ATP1A1: variants seen among roughly 807,000 people sequenced by gnomAD.
The protein encoded by ATP1A1 is sodium/potassium-transporting ATPase subunit alpha-1.
In ATP1A1, 14 loss-of-function variants were observed where a neutral mutation model predicts 114.8. The observed-to-expected ratio is 0.12, with a 90% CI of 0.08 to 0.19. The LOEUF is 0.19. Among genes scored for constraint, ATP1A1 ranks in the 10% least tolerant of loss-of-function variants. The pLI is 1.00. For missense variants in ATP1A1, 524 were observed against 1,290.7 expected, an observed-to-expected ratio of 0.41 and a Z score of 9.10; for synonymous variants, 471 against 466.3, an observed-to-expected ratio of 1.01 and a Z score of -0.13.
rs1570951613 is a variant in ATP1A1 at position 116,385,970 on chromosome 1, T to C, written c.183+1128T>C. ...GGAGAAACCCCGTCTCTACTAAAAA[T>C]ACAAAATTAGCCTGGCATGGTGGTG... On this transcript the variant is annotated intron_variant, in intron 3 of 22. Coordinates refer to ENST00000295598, the MANE Select transcript of ATP1A1 (RefSeq NM_000701.8). The surrounding 1 kb of genome is among the most constrained non-coding windows in gnomAD (Gnocchi z 4.3). The C allele has an allele frequency of 6.6e-6, 1 of 151,398 alleles. No homozygotes were observed. Among genetic ancestry groups the C allele is most frequent in the African/African-American group, 2.4e-5 (1 of 41,158 alleles). 9.4% of individuals were successfully genotyped at this position (151,398 alleles called of 1,614,324 possible).
rs1238716616 is a variant in ATP1A1, at chr1:116,395,620, T to C, written c.1836+335T>C. Among the ~76,000 whole-genome samples, 2 of 152,238 alleles carry C rather than the reference T, an allele frequency of 1.3e-5. No individual in the cohort carries two copies. The highest frequency in any genetic ancestry group is 2.9e-5 in the Non-Finnish European group (2 of 68,040). Reference sequence around the variant, plus strand: ...AATGAATGGCATATCTTCTGTGTTTTCAGTTAACTGTTTGTTAATGAGTGT... The same window carrying C: ...AATGAATGGCATATCTTCTGTGTTTCCAGTTAACTGTTTGTTAATGAGTGT... On this transcript the variant is annotated intron_variant, in intron 13 of 22. Coordinates refer to ENST00000295598, the MANE Select transcript of ATP1A1 (RefSeq NM_000701.8). The surrounding 1 kb of genome is among the most constrained non-coding windows in gnomAD (Gnocchi z 6.4).
chr1:116,389,943 A>C lies in ATP1A1; in HGVS notation c.1023+236A>C. On this transcript the variant is annotated intron_variant, in intron 8 of 22. Coordinates refer to ENST00000295598, the MANE Select transcript of ATP1A1 (RefSeq NM_000701.8). The surrounding 1 kb of genome is among the most constrained non-coding windows in gnomAD (Gnocchi z 6.9). ...GCTTTTAAATTATCACGTGGTCCTG[A>C]ACAGTGCAGTGGAGAAAGGAGAAGA... 1 of 690,306 alleles carries C rather than the reference A, an allele frequency of 1.4e-6. No homozygotes were observed. The highest frequency in any genetic ancestry group is 1.8e-5 in the African/African-American group (1 of 55,548). The allele number at this position is 690,306 out of a possible 1,614,324, so 42.8% of individuals were successfully genotyped here. A position where few individuals can be genotyped will look rare whatever the true frequency, so the allele number is the denominator to read the frequency against.
intron 21 of ATP1A1, among the ~76,000 whole-genome samples, chr1:116,403,560 T>G (rs569286175): frequency 2.6e-5 from 4 of 152,330 alleles, no homozygotes; most frequent in Admixed American, 1.3e-4. Flanking sequence ...AAATGTTCAG[T>G]TGCTCTGGGA....
chr1:116,390,000 T>C lies in ATP1A1; in HGVS notation c.1024-213T>C. ...GATCAAGTAGGGGGATAGAATATGGTAGAATCCTGTTATTATTTTTCTTAA... is the reference window on the plus strand; with the variant it reads ...GATCAAGTAGGGGGATAGAATATGGCAGAATCCTGTTATTATTTTTCTTAA... On this transcript the variant is annotated intron_variant, in intron 8 of 22. Coordinates refer to ENST00000295598, the MANE Select transcript of ATP1A1 (RefSeq NM_000701.8). The surrounding 1 kb of genome is among the most constrained non-coding windows in gnomAD (Gnocchi z 6.9). The C allele has an allele frequency of 3.0e-6, 2 of 662,020 alleles. No homozygotes were observed. The highest frequency in any genetic ancestry group is 2.5e-6 in the Non-Finnish European group (1 of 394,878). 41.0% of individuals were successfully genotyped at this position (662,020 alleles called of 1,614,324 possible).
Position 116,401,772 on chromosome 1 carries a change from C to T in ATP1A1, c.2951+117C>T. 1 of 1,032,026 alleles carries T rather than the reference C, an allele frequency of 9.7e-7. No individual in the cohort carries two copies. The highest frequency in any genetic ancestry group is 1.5e-5 in the South Asian group (1 of 67,980). The allele number at this position is 1,032,026 out of a possible 1,614,324, so 63.9% of individuals were successfully genotyped here. On this transcript the variant is annotated intron_variant, in intron 21 of 22. Coordinates refer to ENST00000295598, the MANE Select transcript of ATP1A1 (RefSeq NM_000701.8). The surrounding 1 kb of genome is among the most constrained non-coding windows in gnomAD (Gnocchi z 4.7). ...ATTTTGAGTGGTATGTACAAAAATT[C>T]CTATGGGTTGGAAAACTGTGAAAGC...
Position 116,393,521 on chromosome 1 carries a change from T to C in ATP1A1, c.1468-10T>C, listed in dbSNP as rs1358932726. On this transcript the variant is annotated splice_polypyrimidine_tract_variant and intron_variant, in intron 11 of 22. Transcript: ENST00000295598. This position sits in a 1 kb window ranked among gnomAD's most constrained non-coding sequence, Gnocchi z 5.0. ...CCATCCAATGTTTATGTCTCAACAA[T>C]CCTTCACAGTTGTCTATTCATAAGA... The C allele has an allele frequency of 6.2e-7, 1 of 1,607,466 alleles. No individual in the cohort carries two copies. Among genetic ancestry groups the C allele is most frequent in the Non-Finnish European group, 8.5e-7 (1 of 1,175,798 alleles).
At position 116,393,516 on chromosome 1, in the gene ATP1A1, A is replaced by C; in HGVS notation, c.1468-15A>C. The C allele has an allele frequency of 6.2e-7, 1 of 1,605,660 alleles. No individual in the cohort carries two copies. The highest frequency in any genetic ancestry group is 8.5e-7 in the Non-Finnish European group (1 of 1,174,534). On this transcript the variant is annotated splice_polypyrimidine_tract_variant and intron_variant, in intron 11 of 22. Coordinates refer to ENST00000295598, the MANE Select transcript of ATP1A1 (RefSeq NM_000701.8). This position sits in a 1 kb window ranked among gnomAD's most constrained non-coding sequence, Gnocchi z 5.0. Reference sequence around the variant, plus strand: ...TCCAACCATCCAATGTTTATGTCTCAACAATCCTTCACAGTTGTCTATTCA... The same window carrying C: ...TCCAACCATCCAATGTTTATGTCTCCACAATCCTTCACAGTTGTCTATTCA...
In ATP1A1 at chr1:116,387,159, T is replaced by C; in HGVS notation, c.184-129T>C. ...ATGGAGGAATTTGCTAGGTTTTACC[T>C]TGGCTCTCTAGCTTGGGACATTTTG... On this transcript the variant is annotated intron_variant, in intron 3 of 22. Transcript: ENST00000295598. This position sits in a 1 kb window ranked among gnomAD's most constrained non-coding sequence, Gnocchi z 6.7. The C allele has an allele frequency of 5.4e-6, 6 of 1,107,408 alleles. No homozygotes were observed. The highest frequency in any genetic ancestry group is 6.4e-6 in the Non-Finnish European group (5 of 777,170). 68.6% of individuals were successfully genotyped at this position (1,107,408 alleles called of 1,614,324 possible). A position where few individuals can be genotyped will look rare whatever the true frequency, so the allele number is the denominator to read the frequency against.
chr1:116,398,519 G>A lies in ATP1A1; in HGVS notation c.2125-102G>A. 1.4e-6 allele frequency: 2 copies of A among 1,398,658 alleles called. No homozygotes were observed. The highest frequency in any genetic ancestry group is 2.0e-6 in the Non-Finnish European group (2 of 1,021,412). 86.6% of individuals were successfully genotyped at this position (1,398,658 alleles called of 1,614,324 possible). Reference sequence around the variant, plus strand: ...TTCATAAATAGTCTCAATAGGAAAGGAGCAGTGTCTGTAATGAGTGCTCAG... The same window carrying A: ...TTCATAAATAGTCTCAATAGGAAAGAAGCAGTGTCTGTAATGAGTGCTCAG... On this transcript the variant is annotated intron_variant, in intron 15 of 22. Coordinates refer to ENST00000295598, the MANE Select transcript of ATP1A1 (RefSeq NM_000701.8). The surrounding 1 kb of genome is among the most constrained non-coding windows in gnomAD (Gnocchi z 6.1).
chr1:116,398,078 G>T lies in ATP1A1; in HGVS notation c.2124+40G>T. The T allele has an allele frequency of 6.2e-7, 1 of 1,607,390 alleles. No individual in the cohort carries two copies. Among genetic ancestry groups the T allele is most frequent in the East Asian group, 2.2e-5 (1 of 44,810 alleles). On this transcript the variant is annotated intron_variant, in intron 15 of 22. Transcript: ENST00000295598. The surrounding 1 kb of genome is among the most constrained non-coding windows in gnomAD (Gnocchi z 6.1). ...GGATCAGGCTGCTTTGGGCACTATTGGCTTTAGGGATTGGAGTTCCAGTGG... is the reference window on the plus strand; with the variant it reads ...GGATCAGGCTGCTTTGGGCACTATTTGCTTTAGGGATTGGAGTTCCAGTGG...
In ATP1A1 at chr1:116,399,750, G is replaced by A. The variant is rs1402670456; in HGVS notation, c.2572+207G>A. Among the ~76,000 whole-genome samples, 5 of 152,192 alleles carry A rather than the reference G, an allele frequency of 3.3e-5. No individual in the cohort carries two copies. The highest frequency in any genetic ancestry group is 2.6e-4 in the Admixed American group (4 of 15,286). Reference sequence around the variant, plus strand: ...GTTGCTGTTTGCCCAGTTACCTTTTGTGGAAACTGGTTTTCTATACTGAGC... The same window carrying A: ...GTTGCTGTTTGCCCAGTTACCTTTTATGGAAACTGGTTTTCTATACTGAGC... On this transcript the variant is annotated intron_variant, in intron 18 of 22. Coordinates refer to ENST00000295598, the MANE Select transcript of ATP1A1 (RefSeq NM_000701.8). This position sits in a 1 kb window ranked among gnomAD's most constrained non-coding sequence, Gnocchi z 5.0.
chr1:116,401,826 AT>A lies in ATP1A1; in HGVS notation c.2951+172del. ...ACATGTCAGTAAATCAGACTAACAAATCCTGAGGCTTCCATGATAGCAGCTA... is the reference window on the plus strand; with the variant it reads ...ACATGTCAGTAAATCAGACTAACAAACCTGAGGCTTCCATGATAGCAGCTA... On this transcript the variant is annotated intron_variant, in intron 21 of 22. Coordinates refer to ENST00000295598, the MANE Select transcript of ATP1A1 (RefSeq NM_000701.8). This position sits in a 1 kb window ranked among gnomAD's most constrained non-coding sequence, Gnocchi z 4.7. 1 of 645,850 alleles carries A rather than the reference AT, an allele frequency of 1.5e-6. No individual in the cohort carries two copies. Among genetic ancestry groups the A allele is most frequent in the South Asian group, 1.9e-5 (1 of 52,810 alleles). The allele number at this position is 645,850 out of a possible 1,614,324, so 40.0% of individuals were successfully genotyped here.
chr1:116,382,913 TCTA>T (rs2101036526), intron 1 of ATP1A1, among the ~76,000 whole-genome samples: 1 of 152,304 alleles, frequency 6.6e-6, no homozygotes, highest in East Asian at 1.9e-4. Flanking sequence ...ATTGCTAATG[TCTA>T]CTTTTTGGCC....
intron 1 of ATP1A1, chr1:116,374,094 C>T (rs1557776394): frequency 2.8e-6 from 4 of 1,452,890 alleles, no homozygotes; most frequent in Admixed American, 2.5e-5. Context: ...GGGGCTCCTT[C>T]TCCTGGGGAC....
intron 1 of ATP1A1, among the ~76,000 whole-genome samples, 165 bp downstream of exon 1, chr1:116,373,688 A>G (rs1289899454): frequency 6.9e-6 from 1 of 144,854 alleles, no homozygotes; most frequent in Non-Finnish European, 1.5e-5. Context: ...GCAGTTTGGA[A>G]ATGGAGGGAG....
At position 116,404,329 on chromosome 1, in the gene ATP1A1, T is replaced by C. The variant is rs957794666; in HGVS notation, c.3044-87T>C. On this transcript the variant is annotated intron_variant, in intron 22 of 22. Transcript: ENST00000295598. The surrounding 1 kb of genome is among the most constrained non-coding windows in gnomAD (Gnocchi z 4.8). ...ACACCCGACCCCCATCATCCTCCGG[T>C]TGGTTTTCATCCCTGTTTCCCTCTG... 8 of 1,536,186 alleles carry C rather than the reference T, an allele frequency of 5.2e-6. No individual in the cohort carries two copies. Among genetic ancestry groups the C allele is most frequent in the Non-Finnish European group, 7.2e-6 (8 of 1,112,972 alleles).
At position 116,384,014 on chromosome 1, in the gene ATP1A1, G is replaced by T. The variant is rs756724088; in HGVS notation, c.13G>T (p.Val5Phe). 1.4e-5 allele frequency: 22 copies of T among 1,613,576 alleles called. No individual in the cohort carries two copies. The highest frequency in any genetic ancestry group is 3.3e-4 in the Middle Eastern group (2 of 6,084). ...TCACTTTTCCCACATTCTCCTACAG[G>T]TTGGACGTGATAAGTATGAGCCTGC... is the stretch of plus-strand genomic sequence containing the variant. MGKG[V>F]GRDKYEPAAV... Residue 5 changes from valine (V) to phenylalanine (F), a missense_variant and splice_region_variant, in exon 2 of 23, where the codon GTT (valine) becomes TTT (phenylalanine). Around this residue, in one of 8 missense-constraint regions of ATP1A1, gnomAD observed 33 missense variants for 31.2 expected, o/e 1.06. Transcript: ENST00000295598. This position sits in a 1 kb window ranked among gnomAD's most constrained non-coding sequence, Gnocchi z 5.1.
chr1:116,401,956 T>G lies in ATP1A1; in HGVS notation c.2951+301T>G. 5 of 344,078 alleles carry G rather than the reference T, an allele frequency of 1.5e-5. No individual in the cohort carries two copies. The South Asian group carries it at 2.5e-4, about 17-fold the overall frequency. The allele number at this position is 344,078 out of a possible 1,614,324, so 21.3% of individuals were successfully genotyped here. On this transcript the variant is annotated intron_variant, in intron 21 of 22. Transcript: ENST00000295598. The surrounding 1 kb of genome is among the most constrained non-coding windows in gnomAD (Gnocchi z 4.7). ...TGAGCACTCAGGTCTGCCACAGCTG[T>G]AGTCCAGTTGTCTTTAGAGGCCAAC...
chr1:116,393,414 A>C lies in ATP1A1; in HGVS notation c.1468-117A>C, dbSNP rs2101051768. On this transcript the variant is annotated intron_variant, in intron 11 of 22. Transcript: ENST00000295598. The surrounding 1 kb of genome is among the most constrained non-coding windows in gnomAD (Gnocchi z 5.0). ...GTGTAAGATACTTCAGAGTTCAGAA[A>C]GAAGGGATCTTGGGTCTTTTATAGC... The C allele has an allele frequency of 3.4e-6, 4 of 1,181,238 alleles. No homozygotes were observed. In the East Asian group the frequency reaches 9.6e-5, roughly 28 times the overall value. The allele number at this position is 1,181,238 out of a possible 1,614,324, so 73.2% of individuals were successfully genotyped here.
Sources: allele counts gnomAD v4.1 joint callset (sites outside exome capture counted in the v4.1 genomes callset), GRCh38; gene constraint gnomAD v4.1.1; regional missense constraint gnomAD v4.1.1; non-coding constraint Gnocchi (gnomAD v3.1); transcripts MANE v1.5; gene names NCBI Gene and HGNC (gene_info 2026-07-23, HGNC 2026-07-21).